DDX42: variants seen among roughly 807,000 people sequenced by gnomAD.
DDX42 encodes DEAD-box helicase 42.
In DDX42, 22 loss-of-function variants were observed where a neutral mutation model predicts 101.5. The observed-to-expected ratio is 0.22, with a 90% CI of 0.15 to 0.31. The LOEUF is 0.31. Among genes scored for constraint, DDX42 ranks in the 10% least tolerant of loss-of-function variants. The pLI is 1.00. For synonymous variants in DDX42, 402 were observed against 401.2 expected (o/e 1.00, Z -0.02); for missense variants, 849 against 1,199.9 (o/e 0.71, Z 4.32).
At chr17:63,781,778 A>G (rs2144525496) in intron 1 of DDX42, among the ~76,000 whole-genome samples, 1 of 152,068 alleles carries the variant, frequency 6.6e-6, no homozygotes, top group East Asian at 2.0e-4. Flanking sequence ...TGGGAGGCCG[A>G]GGCAGGTGGA....
chr17:63,789,634 C>T (rs966986363), intron 2 of DDX42, among the ~76,000 whole-genome samples: 7 of 137,536 alleles, frequency 5.1e-5, no homozygotes, highest in Non-Finnish European at 1.1e-4. Context: ...AGTGCAGTGG[C>T]GTGATCTAGG....
Position 63,776,562 on chromosome 17 carries a change from A to G in DDX42, c.-17+2186A>G, listed in dbSNP as rs1189579318. Among the ~76,000 whole-genome samples the G allele has an allele frequency of 2.6e-5, 4 of 152,138 alleles. No homozygotes were observed. In the East Asian group the frequency reaches 7.7e-4, roughly 29 times the overall value. Reference sequence around the variant, plus strand: ...TGAAAAACACGATGGTAGCTGACATATTGAACAAGTACATTTTTGTGTATG... The same window carrying G: ...TGAAAAACACGATGGTAGCTGACATGTTGAACAAGTACATTTTTGTGTATG... On this transcript the variant is annotated intron_variant, in intron 1 of 17. Coordinates refer to ENST00000389924, the MANE Select transcript of DDX42 (RefSeq NM_203499.3).
intron 8 of DDX42, among the ~76,000 whole-genome samples, chr17:63,807,510 G>C (rs1304833479): frequency 6.6e-6 from 1 of 152,180 alleles, no homozygotes; most frequent in Non-Finnish European, 1.5e-5. Context: ...TGATATCCAC[G>C]TAATGAGAAT....
At chr17:63,795,209 CAGAA>C (rs2039678955) in intron 3 of DDX42, among the ~76,000 whole-genome samples, 1 of 152,152 alleles carries the variant, frequency 6.6e-6, no homozygotes, top group Non-Finnish European at 1.5e-5. Flanking sequence ...TTTTGTGTGG[CAGAA>C]AGAGGCTATT....
At chr17:63,793,275 TA>T (rs1301333932) in intron 3 of DDX42, among the ~76,000 whole-genome samples, 1 of 152,050 alleles carries the variant, frequency 6.6e-6, no homozygotes, top group Non-Finnish European at 1.5e-5. Context: ...TTCTTTCTTT[TA>T]TTTTTTTGAG....
chr17:63,791,939 A>G (rs2039633088), intron 2 of DDX42, among the ~76,000 whole-genome samples: 1 of 151,794 alleles, frequency 6.6e-6, no homozygotes, highest in African/African-American at 2.4e-5. Context: ...CCCAGCTACT[A>G]GGGAGGGCAA....
At chr17:63,809,765 C>T in intron 11 of DDX42, 106 bp downstream of exon 11, 2 of 846,794 alleles carry the variant, frequency 2.4e-6, no homozygotes, top group Admixed American at 2.0e-5. Flanking sequence ...TAAAAATACT[C>T]CTGGATGGGG....
intron 1 of DDX42, among the ~76,000 whole-genome samples, chr17:63,777,474 G>T (rs1409629181): frequency 6.7e-6 from 1 of 149,038 alleles, no homozygotes; most frequent in African/African-American, 2.5e-5. Flanking sequence ...TTGAGACGGA[G>T]TCTCACTCTG....
intron 6 of DDX42, among the ~76,000 whole-genome samples, chr17:63,804,029 G>A (rs2039807529): frequency 6.6e-6 from 1 of 151,808 alleles, no homozygotes; most frequent in Non-Finnish European, 1.5e-5. Flanking sequence ...TATTTAAGTC[G>A]ACATTAATAA....
At chr17:63,814,156 C>G (rs548726146) in intron 15 of DDX42, among the ~76,000 whole-genome samples, 1 of 152,250 alleles carries the variant, frequency 6.6e-6, no homozygotes, top group East Asian at 1.9e-4. Context: ...TGTATGGTGC[C>G]TCTTAACTGT....
rs1006570484 is a variant in DDX42 at position 63,798,195 on chromosome 17, C to T, written c.434+96C>T. 3.2e-5 allele frequency: 36 copies of T among 1,114,080 alleles called. 1 individual carries two copies. In the Admixed American group the frequency reaches 5.9e-4, roughly 18 times the overall value. 69.0% of individuals were successfully genotyped at this position (1,114,080 alleles called of 1,614,324 possible). A position where few individuals can be genotyped will look rare whatever the true frequency, so the allele number is the denominator to read the frequency against. On this transcript the variant is annotated intron_variant, in intron 4 of 17. Transcript: ENST00000389924. Reference sequence around the variant, plus strand: ...AAAGTTTATAGAGAAAAAATATTGACGTACACTTGTGTACTTTACTTGAAG... The same window carrying T: ...AAAGTTTATAGAGAAAAAATATTGATGTACACTTGTGTACTTTACTTGAAG...
intron 15 of DDX42, 21 bp from the exon 16 acceptor site, chr17:63,815,542 C>T (rs1214937925): frequency 6.3e-7 from 1 of 1,581,588 alleles, no homozygotes; most frequent in East Asian, 2.2e-5. Flanking sequence ...TTGACTTAAC[C>T]TTGAATTTTG....
chr17:63,787,910 T>C (rs1416604873), intron 2 of DDX42, among the ~76,000 whole-genome samples: 2 of 130,718 alleles, frequency 1.5e-5, no homozygotes, highest in Admixed American at 1.4e-4. Context: ...ATGTGGTTTT[T>C]TTTTTTTTTT....
At position 63,818,349 on chromosome 17, in the gene DDX42, T is replaced by C. The variant is rs139144458; in HGVS notation, c.2768T>C (p.Phe923Ser). 3.7e-6 allele frequency: 6 copies of C among 1,614,016 alleles called. No homozygotes were observed. The highest frequency in any genetic ancestry group is 5.1e-6 in the Non-Finnish European group (6 of 1,180,030). ...DSKTDKTADG[F>S]AVPEPPKRKK... ...AAGACAGATAAGACAGCTGACGGCTTTGCTGTCCCAGAGCCGCCTAAACGC... is the reference window on the plus strand; with the variant it reads ...AAGACAGATAAGACAGCTGACGGCTCTGCTGTCCCAGAGCCGCCTAAACGC... Residue 923 changes from phenylalanine to serine, a missense_variant, in exon 18 of 18, where the codon TTT becomes TCT. This residue lies in a region of DDX42 where 300 missense variants were observed against 304.9 expected (regional missense o/e 0.98). Transcript: ENST00000389924.
In DDX42 at chr17:63,805,197, A is replaced by G. The variant is rs114091394; in HGVS notation, c.726+22A>G. On this transcript the variant is annotated intron_variant, in intron 7 of 17. Coordinates refer to ENST00000389924, the MANE Select transcript of DDX42 (RefSeq NM_203499.3). ...TCGGGTAAGCATCATTAAGCTCAAT[A>G]TTCTTAATATTAATGTTAATTAGTC... The G allele has an allele frequency of 3.1e-3, 4,980 of 1,604,938 alleles. 126 individuals are homozygous for G. The African/African-American group carries it at 0.059, about 19-fold the overall frequency.
At chr17:63,791,448 A>G (rs1362518293) in intron 2 of DDX42, among the ~76,000 whole-genome samples, 2 of 151,960 alleles carry the variant, frequency 1.3e-5, no homozygotes, top group African/African-American at 4.8e-5. Context: ...AGTAGCTGGG[A>G]TTACGGGCAT....
chr17:63,776,851 T>A (rs552521836), intron 1 of DDX42, among the ~76,000 whole-genome samples: 7 of 152,326 alleles, frequency 4.6e-5, no homozygotes, highest in African/African-American at 1.4e-4. Flanking sequence ...GTAGCAAAGA[T>A]AGTTTACACA....
At chr17:63,799,666 A>G (rs543606598) in intron 5 of DDX42, 41 bp downstream of exon 5, 4 of 1,601,952 alleles carry the variant, frequency 2.5e-6, no homozygotes, top group Admixed American at 1.7e-5. Flanking sequence ...ATTTTTATCC[A>G]CAAAGTCTAT....
In DDX42 at chr17:63,789,253, A is replaced by G. The variant is rs1026051474; in HGVS notation, c.221+1983A>G. Among the ~76,000 whole-genome samples, 9 of 151,198 alleles carry G rather than the reference A, an allele frequency of 6.0e-5. No homozygotes were observed. In the East Asian group the frequency reaches 1.8e-3, roughly 29 times the overall value. On this transcript the variant is annotated intron_variant, in intron 2 of 17. Transcript: ENST00000389924. The stretch of plus-strand genomic sequence containing the variant: ...GCCACCACACCCAGCTGATTTTTGT[A>G]TTTTTAGTAGAAACGCGGTTTCACC...
Sources: gnomAD v4.1 joint callset for allele counts (sites outside exome capture counted in the v4.1 genomes callset) on GRCh38, gnomAD v4.1.1 for gene constraint, gnomAD v4.1.1 regional missense constraint, MANE v1.5 for transcripts, NCBI Gene and HGNC (gene_info 2026-07-23, HGNC 2026-07-21) for gene names.